CLASP1: variants seen among roughly 807,000 people sequenced by gnomAD.
CLASP1 encodes CLIP-associating protein 1.
CLASP1 carries 38 observed loss-of-function variants against 192.3 expected under a neutral mutation model. The ratio of observed to expected loss-of-function variants is 0.20; its 90% CI spans 0.15 to 0.26. CLASP1 has a LOEUF of 0.26. Among genes scored for constraint, CLASP1 ranks in the 10% least tolerant of loss-of-function variants. CLASP1 has a pLI of 1.00. For missense variants in CLASP1, 1,433 were observed against 1,932.5 expected (o/e 0.74, Z 4.85); for synonymous variants, 691 against 712.8 (o/e 0.97, Z 0.49).
chr2:121,518,745 C>T (rs1575610198), intron 6 of CLASP1, among the ~76,000 whole-genome samples: 2 of 151,872 alleles, frequency 1.3e-5, no homozygotes, highest in African/African-American at 2.4e-5. Context: ...GGCATGGCGG[C>T]GAGCGCCTGT....
At chr2:121,638,754 G>A (rs534621494) in intron 1 of CLASP1, among the ~76,000 whole-genome samples, 7 of 150,762 alleles carry the variant, frequency 4.6e-5, no homozygotes, top group East Asian at 2.0e-4. Context: ...TGCAACCTCC[G>A]CCTCCCAGGA....
intron 4 of CLASP1, 92 bp downstream of exon 4, chr2:121,528,585 T>C: frequency 1.1e-6 from 1 of 933,856 alleles, no homozygotes; most frequent in Admixed American, 1.7e-5. Flanking sequence ...GTCTATGGAG[T>C]CACACCATTT....
chr2:121,459,985 C>T (rs377669982), exon 12 of CLASP1: 44 of 1,611,696 alleles, frequency 2.7e-5, no homozygotes, highest in Admixed American at 8.4e-5. Context: ...CTTACCCCAA[C>T]GTGATACAAG....
chr2:121,550,300 T>C (rs10205408), intron 2 of CLASP1, among the ~76,000 whole-genome samples: 37,892 of 151,534 alleles, frequency 0.25, 7,504 homozygotes, highest in African/African-American at 0.55. Flanking sequence ...AAAGAAAGAT[T>C]TCAAATTAAC....
chr2:121,585,050 C>T (rs755898507), intron 2 of CLASP1, among the ~76,000 whole-genome samples: 1 of 152,196 alleles, frequency 6.6e-6, no homozygotes, highest in Non-Finnish European at 1.5e-5. Context: ...CTCACGACAA[C>T]CCTATGGATC....
At chr2:121,416,919 A>G (rs570834317) in intron 23 of CLASP1, among the ~76,000 whole-genome samples, 1 of 152,346 alleles carries the variant, frequency 6.6e-6, no homozygotes, top group South Asian at 2.1e-4. Flanking sequence ...GTGTGTGTAC[A>G]CATGAGCAAT....
intron 19 of CLASP1, among the ~76,000 whole-genome samples, chr2:121,434,975 A>G (rs542885269): frequency 6.6e-6 from 1 of 151,892 alleles, no homozygotes; most frequent in African/African-American, 2.4e-5. Context: ...GCTTTCTTCT[A>G]CTGATCCTTT....
rs547537885 is a variant in CLASP1 at position 121,424,534 on chromosome 2, T to C, written c.2212+605A>G. On this transcript the variant is annotated intron_variant, in intron 22 of 39. Coordinates refer to ENST00000263710, the Ensembl canonical transcript of CLASP1. ...GTTAGCGTATGAATTAGATTTTAAA[T>C]GGAACAAAAGGTATTTAAGCGGCTG... Among the ~76,000 whole-genome samples the C allele has an allele frequency of 3.9e-5, 6 of 152,328 alleles. No homozygotes were observed. In the South Asian group the frequency reaches 1.2e-3, roughly 32 times the overall value.
At chr2:121,533,365 G>A (rs1057167628) in intron 2 of CLASP1, among the ~76,000 whole-genome samples, 2 of 152,146 alleles carry the variant, frequency 1.3e-5, no homozygotes. Flanking sequence ...TTGCCCAGAA[G>A]ACCACTCTGA....
At chr2:121,402,622 AT>A (rs1343854422) in intron 26 of CLASP1, 1 of 518,996 alleles carries the variant, frequency 1.9e-6, no homozygotes, top group South Asian at 1.4e-5. Flanking sequence ...ATGGAAACAA[AT>A]TTCCTTCTTT....
chr2:121,478,656 ACACACCCCC>A (rs2091982757), intron 8 of CLASP1, among the ~76,000 whole-genome samples: 3 of 85,420 alleles, frequency 3.5e-5, no homozygotes, highest in East Asian at 3.6e-4. Flanking sequence ...CCCCACACAC[ACACACCCCC>A]CACACACACC....
chr2:121,456,081 C>CA (rs1199579004), intron 14 of CLASP1, among the ~76,000 whole-genome samples: 6 of 151,770 alleles, frequency 4.0e-5, no homozygotes, highest in Admixed American at 6.5e-5. Flanking sequence ...GTTCTCACCA[C>CA]AAAAAAATAA....
intron 8 of CLASP1, among the ~76,000 whole-genome samples, chr2:121,478,855 CCACACCA>C (rs1575278277): frequency 1.8e-5 from 1 of 56,918 alleles, no homozygotes; most frequent in Non-Finnish European, 3.1e-5. Flanking sequence ...ACACCACACA[CCACACCA>C]CACACACACC....
At chr2:121,427,457 C>T (rs375780659) in intron 20 of CLASP1, 27 bp from the exon 21 acceptor site, 26 of 1,612,036 alleles carry the variant, frequency 1.6e-5, no homozygotes, top group Non-Finnish European at 2.2e-5. Context: ...GACCAAAGGA[C>T]AGGCAAAAAG....
chr2:121,507,235 A>T, intron 7 of CLASP1, among the ~76,000 whole-genome samples: 1 of 152,340 alleles, frequency 6.6e-6, no homozygotes, highest in South Asian at 2.1e-4. Flanking sequence ...GAAAAACAAC[A>T]AACAGAAAGA....
At chr2:121,429,165 G>A (rs888189859) in intron 20 of CLASP1, among the ~76,000 whole-genome samples, 1 of 152,216 alleles carries the variant, frequency 6.6e-6, no homozygotes, top group African/African-American at 2.4e-5. Context: ...TTCAGAAGGT[G>A]TTGAACAAGG....
chr2:121,463,241 T>C (rs139610118), intron 9 of CLASP1, among the ~76,000 whole-genome samples: 2,626 of 152,294 alleles, frequency 0.017, 23 homozygotes, highest in Middle Eastern at 0.051. Flanking sequence ...TGATGCTTTA[T>C]CAGATTTTTT....
At chr2:121,400,702 C>T (rs560406847) in intron 28 of CLASP1, among the ~76,000 whole-genome samples, 4 of 152,342 alleles carry the variant, frequency 2.6e-5, no homozygotes, top group African/African-American at 7.2e-5. Context: ...TAAGGTCCTT[C>T]CATCTTGAAA....
rs772138273 is a variant in CLASP1 at position 121,530,882 on chromosome 2, C to T, written c.196-557G>A. The T allele has an allele frequency of 2.3e-4, 159 of 692,244 alleles. No individual in the cohort carries two copies. The highest frequency in any genetic ancestry group is 3.1e-4 in the Non-Finnish European group (117 of 378,594). 42.9% of individuals were successfully genotyped at this position (692,244 alleles called of 1,614,324 possible). On this transcript the variant is annotated intron_variant, in intron 2 of 39. Coordinates refer to ENST00000263710, the Ensembl canonical transcript of CLASP1. ...GCAGCCCAGGGACTTTCTATTATAA[C>T]CATCCTTTTCTTGGGGTTGCGCTAC...
Sources: allele counts gnomAD v4.1 joint callset (sites outside exome capture counted in the v4.1 genomes callset), GRCh38; gene constraint gnomAD v4.1.1; transcripts MANE v1.5; gene names NCBI Gene and HGNC (gene_info 2026-07-23, HGNC 2026-07-21).